Variants in CFAP410 observed in about 807,000 individuals in gnomAD.
CFAP410 encodes cilia and flagella associated protein 410.
Under a neutral mutation model 25.7 loss-of-function variants are expected in CFAP410, and 27 were observed. The ratio of observed to expected loss-of-function variants is 1.05; its 90% CI spans 0.77 to 1.45. The LOEUF is 1.45. Ranked by LOEUF, CFAP410 falls within the 40% of genes most tolerant of loss-of-function variation. The pLI, the probability that CFAP410 is intolerant of heterozygous loss-of-function variation, is 0.00. For synonymous variants in CFAP410, 178 were observed against 158.4 expected (o/e 1.12, Z -0.93); for missense variants, 428 against 354.1 (o/e 1.21, Z -1.67).
chr21:44,330,651 TCA>T (rs1024205975), intron 6 of CFAP410, 170 bp downstream of exon 6: 14 of 1,548,270 alleles, frequency 9.0e-6, no homozygotes, highest in Non-Finnish European at 1.1e-5. Flanking sequence ...GTGTGCGCAT[TCA>T]CAGACCCGCA....
At chr21:44,338,728 G>T (rs867566070) in intron 1 of CFAP410, 1 of 69,360 alleles carries the variant, frequency 1.4e-5, no homozygotes. Context: ...CTCCTTCGCC[G>T]CCCTCGCCCC....
At chr21:44,332,823 G>A in intron 4 of CFAP410, 1 of 582,282 alleles carries the variant, frequency 1.7e-6, no homozygotes, top group African/African-American at 1.9e-5. Context: ...GTCCCAGGAG[G>A]GACCCTACGC....
chr21:44,335,866 A>G (rs1211870666), intron 2 of CFAP410, 62 bp from the exon 3 acceptor site: 5 of 1,287,816 alleles, frequency 3.9e-6, no homozygotes, highest in Non-Finnish European at 5.5e-6. Flanking sequence ...CCGCACTGCC[A>G]TCAGCCACAG....
intron 5 of CFAP410, chr21:44,331,208 C>G (rs958226685): frequency 1.4e-5 from 7 of 512,306 alleles, no homozygotes; most frequent in African/African-American, 9.6e-5. Flanking sequence ...TGGGGGGCAC[C>G]CGAACACACA....
In CFAP410 at chr21:44,330,237, C is replaced by A; in HGVS notation, c.732G>T (p.Gln244His). 6.3e-7 allele frequency: 1 copy of A among 1,590,574 alleles called. No homozygotes were observed. Among genetic ancestry groups the A allele is most frequent in the Non-Finnish European group, 8.5e-7 (1 of 1,170,888 alleles). The change falls in exon 7 of 7, where the codon CAG becomes CAT. Residue 244 changes from glutamine to histidine, a missense_variant. Transcript: ENST00000339818. ...CCTGCACCTCTTCCCCACGCAGGGC[C>A]TGCAGCCGGCTGCCCACAGTCTGCT... Reference protein sequence around the residue: ...AVQQTVGSRLQALRGEEVQEH... With the variant: ...AVQQTVGSRLHALRGEEVQEH...
At position 44,331,891 on chromosome 21, in the gene CFAP410, G is replaced by A. The variant is rs747351700; in HGVS notation, c.497C>T (p.Ser166Phe). Residue 166 changes from serine (S) to phenylalanine (F), a missense_variant, in exon 5 of 7, where the codon TCC (serine) becomes TTC (phenylalanine). Coordinates refer to ENST00000339818, the MANE Select transcript of CFAP410 (RefSeq NM_004928.3). ...KLCCTLSSLS[S>F]AAETGRDPLD... Reference sequence around the variant, plus strand: ...CGGGTCCCGGCCAGTCTCAGCAGCGGAGCTGAGGGAGCTCAGTGTGCAGCA... The same window carrying A: ...CGGGTCCCGGCCAGTCTCAGCAGCGAAGCTGAGGGAGCTCAGTGTGCAGCA... 3.1e-6 allele frequency: 5 copies of A among 1,612,910 alleles called. No individual in the cohort carries two copies. The highest frequency in any genetic ancestry group is 4.2e-6 in the Non-Finnish European group (5 of 1,179,816).
At chr21:44,336,561 G>A (rs576853928) in intron 2 of CFAP410, among the ~76,000 whole-genome samples, 13 of 152,302 alleles carry the variant, frequency 8.5e-5, no homozygotes, top group East Asian at 5.8e-4. Context: ...ATATGTGAGA[G>A]CCCACCATAC....
intron 1 of CFAP410, 59 bp from the exon 2 acceptor site, chr21:44,337,726 G>A (rs2047782306): frequency 2.0e-6 from 3 of 1,496,020 alleles, no homozygotes; most frequent in Non-Finnish European, 9.3e-7. Context: ...AAACACTGAA[G>A]ACAAAAATTC....
chr21:44,339,381 C>A lies in CFAP410; in HGVS notation c.-187G>T. 1 of 419,602 alleles carries A rather than the reference C, an allele frequency of 2.4e-6. No individual in the cohort carries two copies. Among genetic ancestry groups the A allele is most frequent in the Non-Finnish European group, 4.2e-6 (1 of 237,270 alleles). 26.0% of individuals were successfully genotyped at this position (419,602 alleles called of 1,614,324 possible). On this transcript the variant is annotated 5_prime_UTR_variant, in exon 1 of 7. Coordinates refer to ENST00000339818, the MANE Select transcript of CFAP410 (RefSeq NM_004928.3). ...TGGGGCCGCTTGGGCGCCGCTGACA[C>A]GTTGGCTCTGCTCCTGCTCATGCGC...
rs557916604 is a variant in CFAP410, at chr21:44,332,641, C to G, written c.373+392G>C. 1.5e-5 allele frequency: 3 copies of G among 205,624 alleles called. No homozygotes were observed. In the East Asian group the frequency reaches 3.3e-4, roughly 22 times the overall value. 12.7% of individuals were successfully genotyped at this position (205,624 alleles called of 1,614,324 possible). ...CCTAGGTTCACAGTGGCCCGTGGAG[C>G]CTGCCCAGTCCCTGTGGACCAGTGC... On this transcript the variant is annotated intron_variant, in intron 4 of 6. Coordinates refer to ENST00000339818, the MANE Select transcript of CFAP410 (RefSeq NM_004928.3).
intron 3 of CFAP410, chr21:44,333,879 G>A (rs2047699020): frequency 2.8e-6 from 1 of 355,792 alleles, no homozygotes; most frequent in Non-Finnish European, 5.6e-6. Context: ...GGCCCTCAAA[G>A]GCGCGGAGCC....
rs879599419 is a variant in CFAP410 at position 44,333,511 on chromosome 21, C to T, written c.144-249G>A. ...CCAGCAACAGCCCCTTGGCCCGACG[C>T]TCCACATCAGCTCCTCAGGGCGCTA... On this transcript the variant is annotated intron_variant, in intron 3 of 6. Coordinates refer to ENST00000339818, the MANE Select transcript of CFAP410 (RefSeq NM_004928.3). The T allele has an allele frequency of 1.2e-5, 7 of 579,792 alleles. No homozygotes were observed. In the Middle Eastern group the frequency reaches 2.7e-3, roughly 227 times the overall value. The allele number at this position is 579,792 out of a possible 1,614,324, so 35.9% of individuals were successfully genotyped here. A position where few individuals can be genotyped will look rare whatever the true frequency, so the allele number is the denominator to read the frequency against.
chr21:44,330,384 A>T, intron 6 of CFAP410, 58 bp from the exon 7 acceptor site: 1 of 1,581,654 alleles, frequency 6.3e-7, no homozygotes, highest in Non-Finnish European at 8.6e-7. Flanking sequence ...GCTTCCCTCC[A>T]CAAGGGCTGG....
intron 4 of CFAP410, 61 bp downstream of exon 4, chr21:44,332,972 G>A (rs942969042): frequency 1.8e-5 from 20 of 1,129,692 alleles, no homozygotes; most frequent in Non-Finnish European, 2.6e-5. Context: ...AAAGAGGGCT[G>A]GGGACATCCC....
At chr21:44,332,610 C>T (rs766442871) in intron 4 of CFAP410, 8 of 181,656 alleles carry the variant, frequency 4.4e-5, no homozygotes, top group Admixed American at 2.9e-4. Flanking sequence ...GCGATGGCAC[C>T]GCCACCCTAG....
intron 3 of CFAP410, chr21:44,334,437 C>T (rs2047709754): frequency 2.7e-6 from 1 of 374,464 alleles, no homozygotes; most frequent in Admixed American, 3.1e-5. Context: ...AAATCCCAGC[C>T]TCACTGTGTC....
chr21:44,332,927 C>T (rs547750263), intron 4 of CFAP410, 106 bp downstream of exon 4: 47 of 783,354 alleles, frequency 6.0e-5, no homozygotes, highest in Admixed American at 5.0e-4. Context: ...ATCTATGTCC[C>T]GCCAGACCAG....
chr21:44,338,265 A>G (rs1464469365), intron 1 of CFAP410: 5 of 1,282,718 alleles, frequency 3.9e-6, no homozygotes, highest in Non-Finnish European at 5.1e-6. Context: ...CCTGGGAGGA[A>G]GCGTCTGCTC....
chr21:44,335,695 G>T, intron 3 of CFAP410, 63 bp downstream of exon 3: 1 of 1,273,844 alleles, frequency 7.9e-7, no homozygotes, highest in Non-Finnish European at 1.1e-6. Context: ...CCCACTGGAG[G>T]GACGTGAGGC....
Sources: allele counts gnomAD v4.1 joint callset (sites outside exome capture counted in the v4.1 genomes callset), GRCh38; gene constraint gnomAD v4.1.1; transcripts MANE v1.5; gene names NCBI Gene and HGNC (gene_info 2026-07-23, HGNC 2026-07-21).